The following PAK3 variants were observed in gnomAD, a reference collection of about 807,000 sequenced individuals.
PAK3 encodes the protein p21 (RAC1) activated kinase 3.
A neutral mutation model predicts 41.0 loss-of-function variants in PAK3; 4 were observed. That is an observed-to-expected ratio of 0.10 (90% CI 0.05 to 0.22). The LOEUF (loss-of-function observed/expected upper bound fraction) is 0.22, where lower values mean the gene tolerates loss of function less well. Ranked by LOEUF, PAK3 falls within the 10% of genes least tolerant of loss-of-function variation. PAK3 has a pLI of 1.00. For synonymous variants in PAK3, 146 were observed against 139.6 expected, an observed-to-expected ratio of 1.05 and a Z score of -0.32; for missense variants, 205 against 409.9, an observed-to-expected ratio of 0.50 and a Z score of 4.32.
At chrX:110,961,264 T>A (rs2090972880) in intron 1 of PAK3, among the ~76,000 whole-genome samples, 1 of 111,800 alleles carries the variant, frequency 8.9e-6, no homozygotes, top group Admixed American at 9.4e-5. Flanking sequence ...TCTTGACATC[T>A]GAGCAGAAAA....
chrX:111,029,702 T>C (rs1471936228), intron 1 of PAK3, among the ~76,000 whole-genome samples: 1 of 112,062 alleles, frequency 8.9e-6, no homozygotes, highest in East Asian at 2.8e-4. Flanking sequence ...ATCAACTTTT[T>C]CTTGTAGTGT....
intron 1 of PAK3, among the ~76,000 whole-genome samples, chrX:110,973,196 T>A (rs897469001): frequency 5.4e-5 from 6 of 111,230 alleles, no homozygotes; most frequent in African/African-American, 2.0e-4. Context: ...AACATTCAAA[T>A]TCAGGAAATA....
intron 1 of PAK3, among the ~76,000 whole-genome samples, chrX:111,058,423 C>T: frequency 9.0e-6 from 1 of 111,464 alleles, no homozygotes; most frequent in East Asian, 2.8e-4. Context: ...ATTTCAATTT[C>T]CCTGATGATT....
chrX:111,058,859 A>T (rs2092628720), intron 1 of PAK3, among the ~76,000 whole-genome samples: 1 of 111,648 alleles, frequency 9.0e-6, no homozygotes, highest in African/African-American at 3.3e-5. Flanking sequence ...AGTGGTCAAA[A>T]TTTATTCTTT....
rs7879757 is a variant in PAK3 at position 111,123,532 on chromosome X, A to T, written c.175+254A>T. Among the ~76,000 whole-genome samples, 8,341 of 112,450 alleles carry T rather than the reference A, an allele frequency of 0.074. 528 individuals carry two copies. The highest frequency in any genetic ancestry group is 0.21 in the African/African-American group (6,346 of 30,845). ...ATAGTGTTAAGCCAAGGGTAATCATAGCAACAGTACTGTCTTGAATATATC... is the reference window on the plus strand; with the variant it reads ...ATAGTGTTAAGCCAAGGGTAATCATTGCAACAGTACTGTCTTGAATATATC... On this transcript the variant is annotated intron_variant, in intron 5 of 17. Coordinates refer to ENST00000372007, the MANE Select transcript of PAK3 (RefSeq NM_002578.5).
chrX:111,208,042 G>A (rs758372584), intron 16 of PAK3, among the ~76,000 whole-genome samples: 5 of 112,566 alleles, frequency 4.4e-5, no homozygotes, highest in African/African-American at 6.4e-5. Flanking sequence ...TGATCCGCCC[G>A]CCTCGGCTCC....
chrX:111,199,395 G>A (rs916449749), intron 16 of PAK3, among the ~76,000 whole-genome samples: 7 of 110,981 alleles, frequency 6.3e-5, no homozygotes, highest in African/African-American at 1.3e-4. Flanking sequence ...TAATGACAAG[G>A]GTCTTTAAGA....
chrX:111,157,419 A>G (rs10521531), intron 8 of PAK3, among the ~76,000 whole-genome samples: 17,101 of 111,212 alleles, frequency 0.15, 2,746 homozygotes, highest in African/African-American at 0.49. Context: ...GAAGTTATAC[A>G]TAAGAGCATG....
chrX:110,985,782 C>T (rs1381505818), intron 1 of PAK3, among the ~76,000 whole-genome samples: 1 of 112,173 alleles, frequency 8.9e-6, no homozygotes, highest in Non-Finnish European at 1.9e-5. Flanking sequence ...TAGAATTATC[C>T]ACATTTGATG....
chrX:111,172,986 C>T, intron 10 of PAK3, 32 bp from the exon 11 acceptor site: 1 of 796,739 alleles, frequency 1.3e-6, no homozygotes, highest in Non-Finnish European at 1.9e-6. Flanking sequence ...TCCACCTCCT[C>T]CTCTTTTCTT....
At chrX:111,211,859 C>T (rs778952103) in intron 16 of PAK3, among the ~76,000 whole-genome samples, 2 of 110,234 alleles carry the variant, frequency 1.8e-5, no homozygotes, top group Admixed American at 9.7e-5. Context: ...AAGTGAATGA[C>T]ATGATGAGAC....
At chrX:111,121,723 GAT>G (rs1228308676) in intron 4 of PAK3, among the ~76,000 whole-genome samples, 2 of 111,837 alleles carry the variant, frequency 1.8e-5, no homozygotes, top group African/African-American at 6.5e-5. Context: ...AGTTTACAGA[GAT>G]ATAGTTTTAA....
intron 1 of PAK3, among the ~76,000 whole-genome samples, chrX:111,074,215 T>G (rs1457168686): frequency 8.9e-6 from 1 of 111,911 alleles, no homozygotes; most frequent in Non-Finnish European, 1.9e-5. Context: ...ATTTGGATAT[T>G]TGTCCCCTCC....
At chrX:111,139,501 G>T (rs1433823146) in intron 5 of PAK3, among the ~76,000 whole-genome samples, 3 of 112,060 alleles carry the variant, frequency 2.7e-5, no homozygotes, top group African/African-American at 9.7e-5. Context: ...CCTAAAGGAG[G>T]AGGAGCCTAA....
intron 1 of PAK3, among the ~76,000 whole-genome samples, chrX:110,976,351 A>C (rs1041579959): frequency 8.9e-6 from 1 of 112,659 alleles, no homozygotes; most frequent in Non-Finnish European, 1.9e-5. Context: ...CAACAGACAC[A>C]TGAAAAAATG....
At chrX:111,115,294 C>T (rs1038445142) in intron 4 of PAK3, among the ~76,000 whole-genome samples, 5 of 112,289 alleles carry the variant, frequency 4.5e-5, no homozygotes, top group African/African-American at 1.3e-4. Context: ...ATCATGAGTT[C>T]GTCCTTCAGA....
intron 1 of PAK3, among the ~76,000 whole-genome samples, chrX:111,083,912 G>A (rs1195332045): frequency 8.9e-6 from 1 of 112,557 alleles, no homozygotes; most frequent in Non-Finnish European, 1.9e-5. Context: ...TTGGCAGAGT[G>A]CTAGGCATTG....
intron 1 of PAK3, among the ~76,000 whole-genome samples, chrX:110,945,075 A>G (rs959227659): frequency 8.9e-6 from 1 of 112,102 alleles, no homozygotes; most frequent in African/African-American, 3.2e-5. Context: ...TCCGCCGGCA[A>G]TGTGGGGTGT....
chrX:111,104,208 TC>T (rs1405064496), intron 4 of PAK3, among the ~76,000 whole-genome samples: 1 of 111,562 alleles, frequency 9.0e-6, no homozygotes, highest in Non-Finnish European at 1.9e-5. Context: ...CTGTTGCTAT[TC>T]CCTGCAGTCC....
Sources: gnomAD v4.1 joint callset for allele counts (sites outside exome capture counted in the v4.1 genomes callset) on GRCh38, gnomAD v4.1.1 for gene constraint, MANE v1.5 for transcripts, NCBI Gene and HGNC (gene_info 2026-07-23, HGNC 2026-07-21) for gene names.